The following ASCC3 variants were observed in gnomAD, a reference collection of about 807,000 sequenced individuals.
ASCC3 encodes the protein activating signal cointegrator 1 complex subunit 3.
ASCC3 carries 158 observed loss-of-function variants against 256.3 expected under a neutral mutation model. The ratio of observed to expected loss-of-function variants is 0.62; its 90% CI spans 0.54 to 0.70. The LOEUF (loss-of-function observed/expected upper bound fraction) is 0.70, where lower values mean the gene tolerates loss of function less well. Among genes scored for constraint, ASCC3 ranks in the 30% least tolerant of loss-of-function variants. The pLI, the probability that ASCC3 is intolerant of heterozygous loss-of-function variation, is 0.00. For synonymous variants in ASCC3, 948 were observed against 883.4 expected (o/e 1.07, Z -1.30); for missense variants, 2,259 against 2,626.0 (o/e 0.86, Z 3.05).
At chr6:100,790,297 G>A (rs1229393993) in intron 8 of ASCC3, among the ~76,000 whole-genome samples, 1 of 151,920 alleles carries the variant, frequency 6.6e-6, no homozygotes, top group Non-Finnish European at 1.5e-5. Context: ...TGTGCAAATG[G>A]TGAAGGAGGG....
At chr6:100,805,054 T>C (rs1055808928) in intron 5 of ASCC3, among the ~76,000 whole-genome samples, 3 of 152,242 alleles carry the variant, frequency 2.0e-5, no homozygotes, top group East Asian at 1.9e-4. Context: ...ATATGTACCA[T>C]GGAACACTAC....
At chr6:100,572,994 G>A (rs796896021) in intron 36 of ASCC3, among the ~76,000 whole-genome samples, 9 of 152,202 alleles carry the variant, frequency 5.9e-5, no homozygotes, top group African/African-American at 2.2e-4. Flanking sequence ...CTAAAAGGCT[G>A]TCTGTCCCTC....
At chr6:100,819,083 C>G (rs1770910759) in intron 4 of ASCC3, among the ~76,000 whole-genome samples, 1 of 150,992 alleles carries the variant, frequency 6.6e-6, no homozygotes, top group Non-Finnish European at 1.5e-5. Flanking sequence ...CCAAACACTG[C>G]ATGTTCTCAC....
intron 25 of ASCC3, among the ~76,000 whole-genome samples, chr6:100,637,852 G>A (rs75352517): frequency 0.05 from 7,540 of 152,212 alleles, 233 homozygotes; most frequent in African/African-American, 0.067. Flanking sequence ...GAACAGATGA[G>A]GAGTTGCTTC....
intron 10 of ASCC3, among the ~76,000 whole-genome samples, chr6:100,729,566 ACAAAAAT>A (rs1192833317): frequency 1.2e-4 from 19 of 152,202 alleles, no homozygotes; most frequent in Admixed American, 1.2e-3. Flanking sequence ...GGCTTAAGAC[ACAAAAAT>A]GTATGTGATG....
At chr6:100,828,048 C>T (rs1044044447) in intron 4 of ASCC3, among the ~76,000 whole-genome samples, 1 of 129,936 alleles carries the variant, frequency 7.7e-6, no homozygotes, top group African/African-American at 2.8e-5. Flanking sequence ...TTTTGTCAAA[C>T]ACAATTTAAC....
chr6:100,762,256 A>G (rs1781455870), intron 10 of ASCC3, among the ~76,000 whole-genome samples: 1 of 128,092 alleles, frequency 7.8e-6, no homozygotes, highest in Admixed American at 9.0e-5. Flanking sequence ...TACGAGGATG[A>G]GCAAACAAAT....
At position 100,649,585 on chromosome 6, in the gene ASCC3, G is replaced by A. The variant is rs114860729; in HGVS notation, c.3252+953C>T. Reference sequence around the variant, plus strand: ...TGTTTACCAATATGTCTTGGTTTGTGTTTGTAAATATTCCATGTTTAAAGG... The same window carrying A: ...TGTTTACCAATATGTCTTGGTTTGTATTTGTAAATATTCCATGTTTAAAGG... On this transcript the variant is annotated intron_variant, in intron 20 of 41. Coordinates refer to ENST00000369162, the MANE Select transcript of ASCC3 (RefSeq NM_006828.4). 7.2e-3 allele frequency among the ~76,000 whole-genome samples: 1,089 copies of A among 151,582 alleles called. 11 individuals are homozygous for A. Among genetic ancestry groups the A allele is most frequent in the African/African-American group, 0.024 (1,015 of 41,470 alleles).
At chr6:100,520,580 A>T (rs1747628567) in intron 37 of ASCC3, among the ~76,000 whole-genome samples, 1 of 152,122 alleles carries the variant, frequency 6.6e-6, no homozygotes, top group African/African-American at 2.4e-5. Context: ...AGCACCACAT[A>T]ATGATGTTTT....
chr6:100,560,270 G>GA (rs1769863459), intron 36 of ASCC3, among the ~76,000 whole-genome samples: 1 of 152,116 alleles, frequency 6.6e-6, no homozygotes, highest in South Asian at 2.1e-4. Flanking sequence ...AAACTTTCGA[G>GA]AAGTTATATT....
chr6:100,790,383 C>T (rs1156626219), intron 8 of ASCC3, among the ~76,000 whole-genome samples: 2 of 151,924 alleles, frequency 1.3e-5, no homozygotes, highest in Admixed American at 6.6e-5. Flanking sequence ...TCTGTGTATC[C>T]ACCATAACTC....
intron 37 of ASCC3, among the ~76,000 whole-genome samples, chr6:100,529,836 A>G (rs1774777778): frequency 6.6e-6 from 1 of 152,178 alleles, no homozygotes; most frequent in Admixed American, 6.5e-5. Context: ...GAGAGTAATA[A>G]TTGTACTGCT....
chr6:100,650,606 GAAGT>G lies in ASCC3; in HGVS notation c.3180_3183del (p.Leu1060PhefsTer38). The G allele has an allele frequency of 6.2e-7, 1 of 1,612,838 alleles. No individual in the cohort carries two copies. The highest frequency in any genetic ancestry group is 2.2e-5 in the East Asian group (1 of 44,752). On this transcript the variant is annotated frameshift_variant, in exon 20 of 42. Transcript: ENST00000369162. LOFTEE classifies it high-confidence loss of function. Reference sequence around the variant, plus strand: ...ATTTCTCCTCGGCTGATATAAGTTTGAAGTAAGATGTTTATTTTCCCATAACTAT... The same window carrying G: ...ATTTCTCCTCGGCTGATATAAGTTTGAAGATGTTTATTTTCCCATAACTAT...
At chr6:100,519,691 A>G (rs771827930) in intron 37 of ASCC3, among the ~76,000 whole-genome samples, 11 of 152,152 alleles carry the variant, frequency 7.2e-5, no homozygotes, top group Non-Finnish European at 1.3e-4. Flanking sequence ...GTGATTTTAC[A>G]TTGCAACTTG....
At chr6:100,765,339 G>C (rs904649286) in intron 10 of ASCC3, among the ~76,000 whole-genome samples, 28 of 152,124 alleles carry the variant, frequency 1.8e-4, no homozygotes, top group Admixed American at 1.8e-3. Flanking sequence ...GTAAGAGCAG[G>C]ACATGCCTCA....
chr6:100,542,884 G>T (rs770361117), intron 36 of ASCC3, among the ~76,000 whole-genome samples: 2 of 151,952 alleles, frequency 1.3e-5, no homozygotes, highest in Non-Finnish European at 2.9e-5. Flanking sequence ...ACAAAGAAAT[G>T]AAGAGCACTA....
chr6:100,696,195 C>T (rs1203322490), intron 13 of ASCC3, among the ~76,000 whole-genome samples: 1 of 152,010 alleles, frequency 6.6e-6, no homozygotes, highest in African/African-American at 2.4e-5. Context: ...TAAATATAGA[C>T]ACATAATTTT....
chr6:100,741,984 C>T (rs1385859167), intron 10 of ASCC3, among the ~76,000 whole-genome samples: 3 of 152,136 alleles, frequency 2.0e-5, no homozygotes, highest in Admixed American at 1.3e-4. Context: ...TTGGTTCTTT[C>T]TCATCTTTGC....
At chr6:100,551,888 AG>A (rs1464535505) in intron 36 of ASCC3, among the ~76,000 whole-genome samples, 1 of 151,992 alleles carries the variant, frequency 6.6e-6, no homozygotes, top group Non-Finnish European at 1.5e-5. Context: ...TCATCCCTTT[AG>A]AGATATTATA....
Sources: allele counts gnomAD v4.1 joint callset (sites outside exome capture counted in the v4.1 genomes callset), GRCh38; gene constraint gnomAD v4.1.1; transcripts MANE v1.5; gene names NCBI Gene and HGNC (gene_info 2026-07-23, HGNC 2026-07-21).